The following TENM3 variants were observed in gnomAD, a reference collection of about 807,000 sequenced individuals.
TENM3 encodes teneurin transmembrane protein 3, also known as teneurin-3.
In TENM3, 63 loss-of-function variants were observed where a neutral mutation model predicts 255.1. The ratio of observed to expected loss-of-function variants is 0.25; its 90% CI spans 0.20 to 0.30. The LOEUF (loss-of-function observed/expected upper bound fraction) is 0.30. Among genes scored for constraint, TENM3 ranks in the 10% least tolerant of loss-of-function variants. The pLI, the probability that TENM3 is intolerant of heterozygous loss-of-function variation, is 1.00. For synonymous variants in TENM3, 1,306 were observed against 1,322.3 expected, an observed-to-expected ratio of 0.99 and a Z score of 0.27; for missense variants, 2,929 against 3,461.1, an observed-to-expected ratio of 0.85 and a Z score of 3.86.
chr4:181,993,485 G>T, the TENM3 span, among the ~76,000 whole-genome samples: 1 of 152,168 alleles, frequency 6.6e-6, no homozygotes, highest in Admixed American at 6.5e-5. Context: ...GCTTCGCTGT[G>T]TCTGCTGTGG....
chr4:182,177,911 C>T (rs189692338), intron 1 of TENM3, among the ~76,000 whole-genome samples: 5 of 148,200 alleles, frequency 3.4e-5, no homozygotes, highest in Admixed American at 1.4e-4. Flanking sequence ...GGGCAAAAGA[C>T]GAAAAGTCAT....
At chr4:182,269,987 TG>T (rs1310258734) in intron 1 of TENM3, among the ~76,000 whole-genome samples, 5 of 152,146 alleles carry the variant, frequency 3.3e-5, no homozygotes, top group African/African-American at 4.8e-5. Context: ...TAAGGAGCAT[TG>T]GGGGCTTACA....
At chr4:182,666,990 A>G (rs1328093632) in intron 6 of TENM3, among the ~76,000 whole-genome samples, 1 of 152,192 alleles carries the variant, frequency 6.6e-6, no homozygotes, top group Non-Finnish European at 1.5e-5. Flanking sequence ...AAACCAAAAA[A>G]TGTGTGTACC....
intron 3 of TENM3, among the ~76,000 whole-genome samples, chr4:182,579,792 AG>A (rs1745310957): frequency 6.6e-6 from 1 of 152,194 alleles, no homozygotes; most frequent in African/African-American, 2.4e-5. Context: ...TTTAAAGCAA[AG>A]TTGTTACAGG....
At chr4:181,645,001 C>G in the TENM3 span, among the ~76,000 whole-genome samples, 1 of 152,150 alleles carries the variant, frequency 6.6e-6, no homozygotes, top group Non-Finnish European at 1.5e-5. Context: ...ATGAAATAAA[C>G]AGGCATTTGA....
At position 182,801,474 on chromosome 4, in the gene TENM3, T is replaced by G. The variant is rs1481370924; in HGVS notation, c.*1123T>G. 1.3e-5 allele frequency: 2 copies of G among 152,326 alleles called. No individual in the cohort carries two copies. Among genetic ancestry groups the G allele is most frequent in the East Asian group, 3.9e-4 (2 of 5,194 alleles). 9.4% of individuals were successfully genotyped at this position (152,326 alleles called of 1,614,324 possible). On this transcript the variant is annotated 3_prime_UTR_variant, in exon 28 of 28. Coordinates refer to ENST00000511685, the MANE Select transcript of TENM3 (RefSeq NM_001080477.4). ...GGAGGAAGGGTTCTCTGGCCCTCTCTCAACCTTGCAAGTCAATGGGGAGTT... is the reference window on the plus strand; with the variant it reads ...GGAGGAAGGGTTCTCTGGCCCTCTCGCAACCTTGCAAGTCAATGGGGAGTT...
chr4:182,746,929 A>T (rs1762049610), intron 19 of TENM3, among the ~76,000 whole-genome samples: 1 of 152,218 alleles, frequency 6.6e-6, no homozygotes, highest in Admixed American at 6.5e-5. Context: ...TGACCTAGCA[A>T]AGTCAACATA....
chr4:181,553,498 G>GTT, the TENM3 span, among the ~76,000 whole-genome samples: 2 of 151,934 alleles, frequency 1.3e-5, no homozygotes, highest in Non-Finnish European at 2.9e-5. Context: ...CTGGAGTGCA[G>GTT]GGGCGCGATC....
the TENM3 span, among the ~76,000 whole-genome samples, chr4:181,985,057 G>T: frequency 6.6e-6 from 1 of 151,910 alleles, no homozygotes; most frequent in Non-Finnish European, 1.5e-5. Context: ...AATGGGCAAT[G>T]CTCATTCAGT....
intron 3 of TENM3, among the ~76,000 whole-genome samples, chr4:182,399,392 G>T (rs1403926537): frequency 6.6e-6 from 1 of 152,112 alleles, no homozygotes; most frequent in East Asian, 1.9e-4. Context: ...AGTGAAAGCT[G>T]CTGAGCAGAA....
the TENM3 span, among the ~76,000 whole-genome samples, chr4:182,038,876 G>A: frequency 6.6e-6 from 1 of 152,058 alleles, no homozygotes; most frequent in African/African-American, 2.4e-5. Flanking sequence ...TGGGATTATA[G>A]GCGCCCGCCA....
chr4:181,455,341 A>G, the TENM3 span, among the ~76,000 whole-genome samples: 1 of 152,116 alleles, frequency 6.6e-6, no homozygotes, highest in African/African-American at 2.4e-5. Context: ...ATCAGTCTTC[A>G]AAAGAATATT....
At chr4:181,471,522 A>G in the TENM3 span, among the ~76,000 whole-genome samples, 1 of 152,166 alleles carries the variant, frequency 6.6e-6, no homozygotes, top group East Asian at 1.9e-4. Context: ...GGTTAAGACA[A>G]ACAGAGAAAG....
At chr4:181,641,699 A>ATATATATAT in the TENM3 span, among the ~76,000 whole-genome samples, 1 of 47,970 alleles carries the variant, frequency 2.1e-5, no homozygotes, top group Non-Finnish European at 4.7e-5. Context: ...ATAATGTATA[A>ATATATATAT]TATATATATT....
chr4:182,702,837 A>AC (rs1757991451), intron 12 of TENM3, among the ~76,000 whole-genome samples: 1 of 151,554 alleles, frequency 6.6e-6, no homozygotes, highest in Non-Finnish European at 1.5e-5. Flanking sequence ...TCCCGGGTGC[A>AC]GCCATTCTCC....
At chr4:181,961,575 A>G in the TENM3 span, among the ~76,000 whole-genome samples, 1 of 151,858 alleles carries the variant, frequency 6.6e-6, no homozygotes, top group Non-Finnish European at 1.5e-5. Context: ...GCCCGCCACC[A>G]CGTCCGGCTA....
At chr4:181,950,583 C>T in the TENM3 span, among the ~76,000 whole-genome samples, 2 of 152,120 alleles carry the variant, frequency 1.3e-5, no homozygotes, top group Non-Finnish European at 2.9e-5. Flanking sequence ...TGCTGTTGGC[C>T]CAGCACCCTG....
chr4:182,094,066 G>A, the TENM3 span, among the ~76,000 whole-genome samples: 1 of 152,008 alleles, frequency 6.6e-6, no homozygotes, highest in Non-Finnish European at 1.5e-5. Context: ...GAAATAGTGG[G>A]CAGTGGAGTC....
chr4:181,714,283 G>GA, the TENM3 span, among the ~76,000 whole-genome samples: 3,444 of 151,524 alleles, frequency 0.023, 118 homozygotes, highest in African/African-American at 0.079. Flanking sequence ...AAAGAAGTTA[G>GA]AAAAAAAAAT....
Sources: gnomAD v4.1 joint callset for allele counts (sites outside exome capture counted in the v4.1 genomes callset) on GRCh38, gnomAD v4.1.1 for gene constraint, MANE v1.5 for transcripts, NCBI Gene and HGNC (gene_info 2026-07-23, HGNC 2026-07-21) for gene names.